KLHL29: variants seen among roughly 807,000 people sequenced by gnomAD.
The protein encoded by KLHL29 is kelch-like protein 29.
In KLHL29, 21 loss-of-function variants were observed where a neutral mutation model predicts 80.4. The ratio of observed to expected loss-of-function variants is 0.26; its 90% CI spans 0.19 to 0.38. The LOEUF is 0.38. KLHL29 is among the 10% of genes least tolerant of loss of function. The probability of loss-of-function intolerance (pLI) is 1.00; values close to 1 mark genes in which losing one functional copy is unlikely to be tolerated. For synonymous variants in KLHL29, 511 were observed against 526.8 expected (o/e 0.97, Z 0.41); for missense variants, 867 against 1,223.9 (o/e 0.71, Z 4.35).
chr2:23,458,228 T>G (rs911583443), intron 1 of KLHL29, among the ~76,000 whole-genome samples: 1 of 152,172 alleles, frequency 6.6e-6, no homozygotes, highest in African/African-American at 2.4e-5. Context: ...GCTCATTAAT[T>G]TAACACATTT....
intron 1 of KLHL29, among the ~76,000 whole-genome samples, chr2:23,452,183 A>T (rs552639543): frequency 7.4e-5 from 11 of 149,370 alleles, no homozygotes; most frequent in Admixed American, 6.7e-4. Context: ...AGAAAAAAAA[A>T]TTTTTTTCTT....
At chr2:23,392,505 A>G (rs1016740161) in intron 1 of KLHL29, among the ~76,000 whole-genome samples, 10 of 152,216 alleles carry the variant, frequency 6.6e-5, no homozygotes, top group Non-Finnish European at 1.5e-4. Flanking sequence ...AGCCCCAATA[A>G]TATAATAATA....
In KLHL29 at chr2:23,703,785, G is replaced by A; in HGVS notation, c.2366G>A (p.Arg789Lys). The change falls in exon 13 of 14, where the codon AGA becomes AAA. Residue 789 changes from arginine to lysine, a missense_variant. This residue lies in a region of KLHL29 where 443 missense variants were observed against 767.0 expected (regional missense o/e 0.58). Transcript: ENST00000486442. Reference protein sequence around the residue: ...FVFILGGAYARATTIYDPEKG... With the variant: ...FVFILGGAYAKATTIYDPEKG... ...TTCATCCTGGGCGGGGCTTATGCCA[G>A]AGCTACCACCATCTACGACCCTGAG... 6.5e-7 allele frequency: 1 copy of A among 1,537,430 alleles called. No homozygotes were observed. Among genetic ancestry groups the A allele is most frequent in the Non-Finnish European group, 8.7e-7 (1 of 1,146,938 alleles).
rs535521724 is a variant in KLHL29, at chr2:23,591,841, C to G, written c.285+29360C>G. 1.9e-3 allele frequency among the ~76,000 whole-genome samples: 296 copies of G among 152,334 alleles called. 5 individuals are homozygous for G. The highest frequency in any genetic ancestry group is 0.011 in the South Asian group (51 of 4,828). The stretch of plus-strand genomic sequence containing the variant: ...CCCACCCGCCCCTCAGGGCAGCCCC[C>G]CTGGGAGCGGTGCACATTCTCATGC... On this transcript the variant is annotated intron_variant, in intron 3 of 13. Coordinates refer to ENST00000486442, the MANE Select transcript of KLHL29 (RefSeq NM_052920.2).
At position 23,706,505 on chromosome 2, in the gene KLHL29, T is replaced by G; in HGVS notation, c.2469T>G (p.Ile823Met). The G allele has an allele frequency of 2.0e-6, 3 of 1,532,538 alleles. No individual in the cohort carries two copies. Among genetic ancestry groups the G allele is most frequent in the Non-Finnish European group, 1.7e-6 (2 of 1,144,614 alleles). 94.9% of individuals were successfully genotyped at this position (1,532,538 alleles called of 1,614,324 possible). A position where few individuals can be genotyped will look rare whatever the true frequency, so the allele number is the denominator to read the frequency against. ...FCSAVVLDGK[I>M]YATGGIVSSE... Reference sequence around the variant, plus strand: ...GTGCTGTGGTGCTTGATGGCAAGATTTATGCAACTGGAGGTATTGTCAGCA... The same window carrying G: ...GTGCTGTGGTGCTTGATGGCAAGATGTATGCAACTGGAGGTATTGTCAGCA... Residue 823 changes from isoleucine to methionine, a missense_variant, in exon 14 of 14, where the codon ATT (isoleucine) becomes ATG (methionine). Ile to Met is a conservative substitution (Grantham distance 10). Transcript: ENST00000486442.
At chr2:23,508,898 C>T (rs895542021) in intron 2 of KLHL29, among the ~76,000 whole-genome samples, 6 of 152,166 alleles carry the variant, frequency 3.9e-5, no homozygotes, top group African/African-American at 9.7e-5. Flanking sequence ...AGAGCTAGAC[C>T]GGGTGGTTTC....
At chr2:23,431,459 G>A (rs748876084) in intron 1 of KLHL29, among the ~76,000 whole-genome samples, 4 of 152,312 alleles carry the variant, frequency 2.6e-5, no homozygotes, top group South Asian at 2.1e-4. Context: ...CACCTCTGCC[G>A]TCTCCCGTTC....
At chr2:23,439,418 G>C (rs1572513909) in intron 1 of KLHL29, among the ~76,000 whole-genome samples, 1 of 150,790 alleles carries the variant, frequency 6.6e-6, no homozygotes, top group East Asian at 2.0e-4. Flanking sequence ...GTCAATTTTG[G>C]ATCTTTCCTG....
chr2:23,662,532 G>GC (rs758728502), intron 5 of KLHL29, among the ~76,000 whole-genome samples: 43 of 152,194 alleles, frequency 2.8e-4, no homozygotes, highest in Non-Finnish European at 4.6e-4. Flanking sequence ...GAGTTCACCA[G>GC]CCCCTCCTGG....
chr2:23,453,879 GCATTTACCCTTTAAAA>G (rs1292394521), intron 1 of KLHL29, among the ~76,000 whole-genome samples: 6 of 152,040 alleles, frequency 3.9e-5, no homozygotes, highest in African/African-American at 1.4e-4. Flanking sequence ...TATTTAACCT[GCATTTACCCTTTAAAA>G]ATGGGGAGGA....
chr2:23,444,794 C>T (rs372889387), intron 1 of KLHL29, among the ~76,000 whole-genome samples: 7 of 152,026 alleles, frequency 4.6e-5, no homozygotes, highest in Non-Finnish European at 1.0e-4. Context: ...GAATATATCC[C>T]GTTACAGATG....
At chr2:23,654,705 G>GGGC (rs1553350663) in intron 5 of KLHL29, among the ~76,000 whole-genome samples, 1 of 89,676 alleles carries the variant, frequency 1.1e-5, no homozygotes, top group East Asian at 4.4e-4. Context: ...TTGGGGGGGG[G>GGGC]GGGTGGATGT....
chr2:23,613,097 A>G (rs148502646), intron 3 of KLHL29, among the ~76,000 whole-genome samples: 7 of 152,346 alleles, frequency 4.6e-5, no homozygotes, highest in Admixed American at 4.6e-4. Context: ...TGTAATATCT[A>G]TGGATATTAC....
intron 1 of KLHL29, among the ~76,000 whole-genome samples, chr2:23,409,990 G>C (rs1666823360): frequency 6.6e-6 from 1 of 152,208 alleles, no homozygotes; most frequent in Admixed American, 6.5e-5. Flanking sequence ...GCAGGAGAGA[G>C]TATGGTGCCT....
chr2:23,512,301 T>C (rs1460100109), intron 2 of KLHL29, among the ~76,000 whole-genome samples: 1 of 152,002 alleles, frequency 6.6e-6, no homozygotes, highest in East Asian at 1.9e-4. Context: ...CAAAATTAGC[T>C]GGGCATGGTG....
chr2:23,603,424 C>A (rs1238090296), intron 3 of KLHL29, among the ~76,000 whole-genome samples: 1 of 152,214 alleles, frequency 6.6e-6, no homozygotes, highest in Non-Finnish European at 1.5e-5. Flanking sequence ...TCTTGGGGGA[C>A]CTCTGCTGGG....
chr2:23,528,307 G>A (rs903692263), intron 2 of KLHL29, among the ~76,000 whole-genome samples: 12 of 152,160 alleles, frequency 7.9e-5, no homozygotes, highest in African/African-American at 2.4e-4. Context: ...GCCCTGGGCC[G>A]GTTTGGGGCT....
At position 23,562,313 on chromosome 2, in the gene KLHL29, C is replaced by A. The variant is rs572975822; in HGVS notation, c.117C>A (p.Ala39=). 2 of 1,545,148 alleles carry A rather than the reference C, an allele frequency of 1.3e-6. No homozygotes were observed. The highest frequency in any genetic ancestry group is 2.0e-5 in the Admixed American group (1 of 50,822). ...TTSICSVTSG[A]GGGTASSLSV... ...GCATCTGCAGTGTCACCTCGGGGGC[C>A]GGTGGCGGCACAGCCAGCAGCCTCA... Residue 39 remains alanine (A), a synonymous_variant, in exon 3 of 14, where the codon GCC becomes GCA. Transcript: ENST00000486442. This position sits in a 1 kb window ranked among gnomAD's most constrained non-coding sequence, Gnocchi z 4.5.
At chr2:23,451,020 T>A (rs947605596) in intron 1 of KLHL29, among the ~76,000 whole-genome samples, 17 of 152,336 alleles carry the variant, frequency 1.1e-4, no homozygotes, top group African/African-American at 3.8e-4. Context: ...GGACAGTGGA[T>A]ATCAATGGAA....
Sources: gnomAD v4.1 joint callset for allele counts (sites outside exome capture counted in the v4.1 genomes callset) on GRCh38, gnomAD v4.1.1 for gene constraint, gnomAD v4.1.1 regional missense constraint, Gnocchi (gnomAD v3.1) non-coding constraint, MANE v1.5 for transcripts, NCBI Gene and HGNC (gene_info 2026-07-23, HGNC 2026-07-21) for gene names.